Variants in SPATA13 observed in about 807,000 individuals in gnomAD.
The protein encoded by SPATA13 is spermatogenesis-associated protein 13.
Under a neutral mutation model 104.0 loss-of-function variants are expected in SPATA13, and 50 were observed. The observed-to-expected ratio is 0.48, with a 90% CI of 0.38 to 0.61. The LOEUF (loss-of-function observed/expected upper bound fraction) is 0.61. Ranked by LOEUF, SPATA13 falls within the 20% of genes least tolerant of loss-of-function variation. The probability of loss-of-function intolerance (pLI) is 0.00; values close to 1 mark genes in which losing one functional copy is unlikely to be tolerated. For missense variants in SPATA13, 1,524 were observed against 1,690.6 expected, an observed-to-expected ratio of 0.90 and a Z score of 1.73; for synonymous variants, 606 against 667.5, an observed-to-expected ratio of 0.91 and a Z score of 1.42.
At chr13:24,261,048 G>A (rs944922755) in intron 4 of SPATA13, among the ~76,000 whole-genome samples, 4 of 152,210 alleles carry the variant, frequency 2.6e-5, no homozygotes, top group Admixed American at 2.0e-4. Context: ...TGAGAGGTGG[G>A]CCTCCACTAA....
chr13:24,098,632 A>AAAGG, intron 3 of SPATA13, among the ~76,000 whole-genome samples: 1 of 150,742 alleles, frequency 6.6e-6, no homozygotes, highest in Non-Finnish European at 1.5e-5. Context: ...AGAAAGAAAG[A>AAAGG]AAGAAAAAAG....
chr13:24,155,213 C>T (rs995903340), intron 3 of SPATA13, among the ~76,000 whole-genome samples: 1 of 152,118 alleles, frequency 6.6e-6, no homozygotes, highest in African/African-American at 2.4e-5. Context: ...CCAAAGCACC[C>T]AGCTAGTGAA....
At chr13:24,119,781 G>C (rs1298160535) in intron 3 of SPATA13, among the ~76,000 whole-genome samples, 2 of 152,156 alleles carry the variant, frequency 1.3e-5, no homozygotes, top group African/African-American at 4.8e-5. Context: ...AGGAAGCCTG[G>C]GAGAGCTTCC....
rs1240177678 is a variant in SPATA13, at chr13:24,294,853, T to C, written c.3195T>C (p.Ser1065=). 1.2e-6 allele frequency: 2 copies of C among 1,608,486 alleles called. No individual in the cohort carries two copies. The highest frequency in any genetic ancestry group is 2.2e-5 in the South Asian group (2 of 90,934). The change falls in exon 10 of 13, where the codon TCT becomes TCC. Residue 1065 remains serine (S), a synonymous_variant. Transcript: ENST00000382108. ...ACAAGATAGCTCGCTGGCAGGTGTC[T>C]ATCGTGGGCTGGGAGGTAAGTGGAA... ...SIDKIARWQV[S]IVGWEGLDIL... is the part of the protein sequence containing the mutation.
Position 24,022,944 on chromosome 13 carries a change from T to TA in SPATA13, c.-112+5243_-112+5244insA, listed in dbSNP as rs535307644. On this transcript the variant is annotated intron_variant, in intron 3 of 14. Transcript: ENST00000424834. ...CAAATACACTTGAATCTTCTTTTTT[T>TA]TTATTATTATTATACTTTAAGTTCT... is the stretch of plus-strand genomic sequence containing the variant. Among the ~76,000 whole-genome samples, 58 of 152,156 alleles carry TA rather than the reference T, an allele frequency of 3.8e-4. No individual in the cohort carries two copies. In the East Asian group the frequency reaches 6.6e-3, roughly 17 times the overall value.
intron 2 of SPATA13, among the ~76,000 whole-genome samples, chr13:24,233,626 TA>T (rs913379299): frequency 1.4e-4 from 21 of 150,296 alleles, no homozygotes; most frequent in East Asian, 5.8e-4. Flanking sequence ...TAAGTCAGTT[TA>T]AAAAAAAAAG....
At chr13:24,086,488 C>T (rs1015267035) in intron 3 of SPATA13, among the ~76,000 whole-genome samples, 1 of 151,844 alleles carries the variant, frequency 6.6e-6, no homozygotes, top group African/African-American at 2.4e-5. Context: ...ACCACAAGGA[C>T]CTGAATTATG....
chr13:24,272,479 A>C (rs566675803), intron 4 of SPATA13, among the ~76,000 whole-genome samples: 1 of 152,316 alleles, frequency 6.6e-6, no homozygotes, highest in Non-Finnish European at 1.5e-5. Flanking sequence ...AAAACAAATA[A>C]TAAAGCTTGC....
intron 2 of SPATA13, among the ~76,000 whole-genome samples, chr13:24,012,673 G>A (rs1023759120): frequency 6.6e-6 from 1 of 152,246 alleles, no homozygotes; most frequent in Admixed American, 6.5e-5. Context: ...CCCCAAGTGT[G>A]TGGTGGGCGG....
intron 4 of SPATA13, chr13:24,278,970 T>TCCCTCCC (rs1875259386): frequency 9.1e-5 from 44 of 484,528 alleles, no homozygotes; most frequent in African/African-American, 4.8e-4. Flanking sequence ...CCTTCCCTCC[T>TCCCTCCC]TCCCTCCCTC....
chr13:24,202,347 C>T (rs367590556), intron 1 of SPATA13, among the ~76,000 whole-genome samples: 2 of 151,984 alleles, frequency 1.3e-5, no homozygotes, highest in Non-Finnish European at 2.9e-5. Flanking sequence ...ACAGCCACAC[C>T]GAGTAGATGG....
chr13:24,005,353 A>G (rs1390933032), intron 2 of SPATA13, among the ~76,000 whole-genome samples: 3 of 152,198 alleles, frequency 2.0e-5, no homozygotes, highest in Admixed American at 6.5e-5. Context: ...GAGATCTTCA[A>G]TGAATTGGAG....
At chr13:24,065,926 A>C (rs1878945299) in intron 3 of SPATA13, among the ~76,000 whole-genome samples, 1 of 152,192 alleles carries the variant, frequency 6.6e-6, no homozygotes, top group African/African-American at 2.4e-5. Flanking sequence ...TGGACCCCTT[A>C]AGTAATCTGA....
chr13:24,239,363 T>C (rs1033758419), intron 2 of SPATA13, among the ~76,000 whole-genome samples: 2 of 152,008 alleles, frequency 1.3e-5, no homozygotes, highest in Non-Finnish European at 2.9e-5. Flanking sequence ...CATTGTGGGA[T>C]GGAGGCCAGG....
intron 3 of SPATA13, among the ~76,000 whole-genome samples, chr13:24,052,608 G>GGATA (rs1878383554): frequency 6.6e-6 from 1 of 151,300 alleles, no homozygotes; most frequent in Non-Finnish European, 1.5e-5. Flanking sequence ...GCCAGGCTGT[G>GGATA]GATACTGGCC....
At chr13:24,176,060 G>T (rs1455058823) in intron 1 of SPATA13, among the ~76,000 whole-genome samples, 1 of 152,160 alleles carries the variant, frequency 6.6e-6, no homozygotes, top group Non-Finnish European at 1.5e-5. Context: ...GAGCAGGCGT[G>T]GGGGATCTGA....
Position 24,284,260 on chromosome 13 carries a change from G to A in SPATA13, c.2290G>A (p.Ala764Thr), listed in dbSNP as rs977440609. ...RYLQPGGEQL[A>T]INELISDGNV... ...CCTGCAGCCCGGCGGGGAGCAGCTG[G>A]CCATCAATGAGGTACTGGAATTCCA... Residue 764 changes from alanine (A) to threonine (T), a missense_variant, in exon 5 of 13, where the codon GCC (alanine) becomes ACC (threonine). Around this residue, in one of 2 missense-constraint regions of SPATA13, gnomAD observed 1,089 missense variants for 1,135.9 expected, o/e 0.96. Coordinates refer to ENST00000382108, the MANE Select transcript of SPATA13 (RefSeq NM_001166271.3). 3 of 1,613,312 alleles carry A rather than the reference G, an allele frequency of 1.9e-6. No homozygotes were observed. The highest frequency in any genetic ancestry group is 1.1e-5 in the South Asian group (1 of 90,992).
In SPATA13 at chr13:24,085,651, C is replaced by T. The variant is rs78635306; in HGVS notation, c.-112+67950C>T. Among the ~76,000 whole-genome samples, 1,383 of 152,296 alleles carry T rather than the reference C, an allele frequency of 9.1e-3. 17 individuals are homozygous for T. The highest frequency in any genetic ancestry group is 0.031 in the African/African-American group (1,299 of 41,552). ...GCCTTTACCTGACTTTACTCACTTC[C>T]ATGTGGCCCGACTCCCTTTCCAGGG... On this transcript the variant is annotated intron_variant, in intron 3 of 14. Transcript: ENST00000424834.
chr13:24,099,587 A>G (rs1593328577), intron 3 of SPATA13, among the ~76,000 whole-genome samples: 1 of 152,316 alleles, frequency 6.6e-6, no homozygotes, highest in Middle Eastern at 3.4e-3. Context: ...TGGGAAACAG[A>G]CAGGTGTCCC....
Sources: allele counts gnomAD v4.1 joint callset (sites outside exome capture counted in the v4.1 genomes callset), GRCh38; gene constraint gnomAD v4.1.1; regional missense constraint gnomAD v4.1.1; transcripts MANE v1.5; gene names NCBI Gene and HGNC (gene_info 2026-07-23, HGNC 2026-07-21).